CNTN5: variants seen among roughly 807,000 people sequenced by gnomAD.
CNTN5 encodes the protein contactin 5.
Under a neutral mutation model 129.1 loss-of-function variants are expected in CNTN5, and 77 were observed. That is an observed-to-expected ratio of 0.60 (90% CI 0.50 to 0.72). CNTN5 has a LOEUF of 0.72. CNTN5 is among the 30% of genes least tolerant of loss of function. The probability of loss-of-function intolerance (pLI) is 0.00; values close to 1 mark genes in which losing one functional copy is unlikely to be tolerated. For missense variants in CNTN5, 1,478 were observed against 1,328.8 expected (o/e 1.11, Z -1.75); for synonymous variants, 509 against 465.6 (o/e 1.09, Z -1.20).
At chr11:99,038,740 A>G (rs1458068056) in intron 1 of CNTN5, among the ~76,000 whole-genome samples, 1 of 151,632 alleles carries the variant, frequency 6.6e-6, no homozygotes, top group Non-Finnish European at 1.5e-5. Context: ...TAACACAAAA[A>G]GAAGGATATA....
chr11:99,295,702 C>A (rs564246817), intron 1 of CNTN5, among the ~76,000 whole-genome samples: 1 of 151,178 alleles, frequency 6.6e-6, no homozygotes, highest in African/African-American at 2.4e-5. Context: ...AGGTGAAACC[C>A]CGTCTCTACT....
rs896243840 is a variant in CNTN5 at position 99,615,161 on chromosome 11, A to T, written c.55+58892A>T. Among the ~76,000 whole-genome samples the T allele has an allele frequency of 2.0e-5, 3 of 151,120 alleles. No individual in the cohort carries two copies. The South Asian group carries it at 6.2e-4, about 31-fold the overall frequency. Reference sequence around the variant, plus strand: ...AGTGAATAAGAAAAAATTTACCAAGATTAATTATTTGATAACTAAGAAATC... The same window carrying T: ...AGTGAATAAGAAAAAATTTACCAAGTTTAATTATTTGATAACTAAGAAATC... On this transcript the variant is annotated intron_variant, in intron 3 of 24. Coordinates refer to ENST00000524871, the MANE Select transcript of CNTN5 (RefSeq NM_014361.4).
chr11:99,663,807 C>T lies in CNTN5; in HGVS notation c.55+107538C>T, dbSNP rs561586950. Among the ~76,000 whole-genome samples the T allele has an allele frequency of 3.3e-5, 5 of 152,246 alleles. No individual in the cohort carries two copies. In the South Asian group the frequency reaches 1.0e-3, roughly 32 times the overall value. On this transcript the variant is annotated intron_variant, in intron 3 of 24. Coordinates refer to ENST00000524871, the MANE Select transcript of CNTN5 (RefSeq NM_014361.4). ...TTCCTGGGCATGCAAAAGTGTGAGTCAATTAAACCTCTTTTCTTTATACTT... is the reference window on the plus strand; with the variant it reads ...TTCCTGGGCATGCAAAAGTGTGAGTTAATTAAACCTCTTTTCTTTATACTT...
At chr11:99,710,627 T>C (rs1351763731) in intron 3 of CNTN5, among the ~76,000 whole-genome samples, 1 of 150,178 alleles carries the variant, frequency 6.7e-6, no homozygotes, top group Non-Finnish European at 1.5e-5. Context: ...GTTTGAGTAA[T>C]AAAGGTCCAC....
chr11:99,580,773 A>C (rs1949553697), intron 3 of CNTN5, among the ~76,000 whole-genome samples: 1 of 136,714 alleles, frequency 7.3e-6, no homozygotes, highest in Non-Finnish European at 1.6e-5. Context: ...GATCTTTTCA[A>C]AAAACCAGCT....
rs1470560933 is a variant in CNTN5 at position 100,167,264 on chromosome 11, T to C, written c.1581-23862T>C. On this transcript the variant is annotated intron_variant, in intron 13 of 24. Coordinates refer to ENST00000524871, the MANE Select transcript of CNTN5 (RefSeq NM_014361.4). The stretch of plus-strand genomic sequence containing the variant: ...GAGAGTGATTAAGACATATACTGTG[T>C]GTAAGATACTGTGTGTAAGAGACCG... Among the ~76,000 whole-genome samples, 3 of 151,194 alleles carry C rather than the reference T, an allele frequency of 2.0e-5. 1 individual carries two copies. The highest frequency in any genetic ancestry group is 2.0e-4 in the Admixed American group (3 of 15,170).
intron 3 of CNTN5, among the ~76,000 whole-genome samples, chr11:99,771,757 G>T (rs1191733717): frequency 6.6e-6 from 1 of 151,910 alleles, no homozygotes; most frequent in Non-Finnish European, 1.5e-5. Flanking sequence ...ATGCCGTATT[G>T]TAAACTTGAA....
chr11:100,348,690 G>T (rs1389413140), intron 23 of CNTN5, among the ~76,000 whole-genome samples: 1 of 151,804 alleles, frequency 6.6e-6, no homozygotes, highest in Non-Finnish European at 1.5e-5. Context: ...AATTCATCAC[G>T]ATGCTCCAGA....
chr11:99,512,933 A>G (rs187682578), intron 2 of CNTN5, among the ~76,000 whole-genome samples: 2 of 152,292 alleles, frequency 1.3e-5, no homozygotes, highest in African/African-American at 4.8e-5. Flanking sequence ...ATTTTAAATC[A>G]AAAGCTAGAA....
chr11:99,696,120 AAG>A (rs1438854298), intron 3 of CNTN5, among the ~76,000 whole-genome samples: 7 of 152,044 alleles, frequency 4.6e-5, no homozygotes, highest in African/African-American at 1.7e-4. Flanking sequence ...GGGTCTATAA[AAG>A]AGGGCTGACC....
chr11:100,286,235 C>G (rs1281964213), intron 18 of CNTN5, among the ~76,000 whole-genome samples: 5 of 152,210 alleles, frequency 3.3e-5, no homozygotes, highest in Non-Finnish European at 7.3e-5. Context: ...AGGGAAGCTC[C>G]AACTGGGTGG....
At chr11:99,076,782 G>T (rs924170592) in intron 1 of CNTN5, among the ~76,000 whole-genome samples, 3 of 152,068 alleles carry the variant, frequency 2.0e-5, no homozygotes, top group Admixed American at 1.3e-4. Context: ...AATCTTATTT[G>T]TATGAATTTC....
chr11:99,943,921 G>T (rs1016361148), intron 7 of CNTN5, among the ~76,000 whole-genome samples: 1 of 152,092 alleles, frequency 6.6e-6, no homozygotes, highest in African/African-American at 2.4e-5. Flanking sequence ...TTACCATACT[G>T]TTTTGGTTAC....
chr11:99,602,599 T>C (rs903297559), intron 3 of CNTN5, among the ~76,000 whole-genome samples: 168 of 151,798 alleles, frequency 1.1e-3, no homozygotes, highest in African/African-American at 3.9e-3. Flanking sequence ...AAACAACACA[T>C]GGTTTGGCTC....
rs559025984 is a variant in CNTN5 at position 99,524,812 on chromosome 11, C to CA, written c.-70-31324dup. Reference sequence around the variant, plus strand: ...AGCAAGATTCCATCTCAAAAAAAAACAAAAAAAAAGTGTATTTATATGTAT... The same window carrying CA: ...AGCAAGATTCCATCTCAAAAAAAAACAAAAAAAAAAGTGTATTTATATGTAT... On this transcript the variant is annotated intron_variant, in intron 2 of 24. Transcript: ENST00000524871. 3.9e-3 allele frequency among the ~76,000 whole-genome samples: 576 copies of CA among 148,792 alleles called. 2 individuals carry two copies. Among genetic ancestry groups the CA allele is most frequent in the Non-Finnish European group, 7.1e-3 (477 of 66,988 alleles).
chr11:99,882,596 A>G (rs1790595309), intron 6 of CNTN5, among the ~76,000 whole-genome samples: 2 of 152,076 alleles, frequency 1.3e-5, no homozygotes, highest in African/African-American at 2.4e-5. Flanking sequence ...TAGTAGGTGT[A>G]TGTGTTTATG....
intron 1 of CNTN5, among the ~76,000 whole-genome samples, chr11:99,132,439 A>C (rs1028091410): frequency 6.6e-6 from 1 of 152,178 alleles, no homozygotes; most frequent in Non-Finnish European, 1.5e-5. Flanking sequence ...AAGGATATTT[A>C]AATAGGAAGA....
chr11:99,614,394 T>A (rs1428941710), intron 3 of CNTN5, among the ~76,000 whole-genome samples: 1 of 152,200 alleles, frequency 6.6e-6, no homozygotes, highest in African/African-American at 2.4e-5. Context: ...TTTTGCTTTT[T>A]TCATTGCACC....
At chr11:99,403,422 A>G (rs1941921693) in intron 2 of CNTN5, among the ~76,000 whole-genome samples, 1 of 151,684 alleles carries the variant, frequency 6.6e-6, no homozygotes, top group Admixed American at 6.6e-5. Context: ...ACTCTTCCTT[A>G]TCTAATACTT....
Sources: allele counts gnomAD v4.1 joint callset (sites outside exome capture counted in the v4.1 genomes callset), GRCh38; gene constraint gnomAD v4.1.1; transcripts MANE v1.5; gene names NCBI Gene and HGNC (gene_info 2026-07-23, HGNC 2026-07-21).